FRMD6: variants seen among roughly 807,000 people sequenced by gnomAD.
FRMD6 encodes the protein FERM domain containing 6.
Under a neutral mutation model 73.2 loss-of-function variants are expected in FRMD6, and 37 were observed. The observed-to-expected ratio is 0.51, with a 90% CI of 0.39 to 0.66. FRMD6 has a LOEUF of 0.66. FRMD6 is among the 30% of genes least tolerant of loss of function. The probability of loss-of-function intolerance (pLI) is 0.00; values close to 1 mark genes in which losing one functional copy is unlikely to be tolerated. For synonymous variants in FRMD6, 273 were observed against 282.2 expected (o/e 0.97, Z 0.33); for missense variants, 714 against 780.5 (o/e 0.91, Z 1.02).
At chr14:51,533,374 A>G (rs1238581055) in intron 1 of FRMD6, among the ~76,000 whole-genome samples, 1 of 152,202 alleles carries the variant, frequency 6.6e-6, no homozygotes, top group African/African-American at 2.4e-5. Flanking sequence ...AAAAAGCTGG[A>G]TAAAACAGGT....
At chr14:51,441,588 C>T in the FRMD6 span, among the ~76,000 whole-genome samples, 76,118 of 151,992 alleles carry the variant, frequency 0.5, 19,393 homozygotes, top group East Asian at 0.68. Flanking sequence ...TTACTAGGAG[C>T]CTTGGTCCAG....
At chr14:51,535,730 T>C (rs1256313712) in intron 1 of FRMD6, among the ~76,000 whole-genome samples, 5 of 152,198 alleles carry the variant, frequency 3.3e-5, no homozygotes, top group Non-Finnish European at 7.3e-5. Context: ...TTAATTCTCT[T>C]GGAGTGAAAT....
chr14:51,527,889 G>A (rs1285295836), intron 1 of FRMD6, among the ~76,000 whole-genome samples: 1 of 152,114 alleles, frequency 6.6e-6, no homozygotes, highest in African/African-American at 2.4e-5. Context: ...CTTCAGTGAG[G>A]CTCAGTGGGG....
At chr14:51,664,002 T>C (rs1893405048) in intron 1 of FRMD6, among the ~76,000 whole-genome samples, 1 of 152,220 alleles carries the variant, frequency 6.6e-6, no homozygotes, top group Admixed American at 6.5e-5. Flanking sequence ...CCAATGCTAT[T>C]GCATCGGGGA....
At chr14:51,724,724 G>GTTTTTTTTTTTTTTTT in intron 12 of FRMD6, among the ~76,000 whole-genome samples, 1 of 139,492 alleles carries the variant, frequency 7.2e-6, no homozygotes. Flanking sequence ...TACTTAAAGG[G>GTTTTTTTTTTTTTTTT]TTTTTTGTTT....
the FRMD6 span, among the ~76,000 whole-genome samples, chr14:51,464,830 A>G: frequency 5.9e-5 from 9 of 152,320 alleles, no homozygotes; most frequent in Admixed American, 4.6e-4. Flanking sequence ...AGCCAGGTAT[A>G]TATACCTGAA....
chr14:51,470,655 A>C, the FRMD6 span, among the ~76,000 whole-genome samples: 1 of 152,002 alleles, frequency 6.6e-6, no homozygotes, highest in African/African-American at 2.4e-5. Context: ...TTTTACTTAT[A>C]TGCATTTTAA....
intron 7 of FRMD6, among the ~76,000 whole-genome samples, chr14:51,710,461 C>T (rs1207619298): frequency 2.6e-5 from 4 of 152,140 alleles, no homozygotes; most frequent in African/African-American, 9.7e-5. Flanking sequence ...GCAATCTGTA[C>T]ATCCTTGAAA....
chr14:51,431,515 G>C, the FRMD6 span, among the ~76,000 whole-genome samples: 22 of 152,312 alleles, frequency 1.4e-4, no homozygotes, highest in South Asian at 8.3e-4. Context: ...GAATGTTCTT[G>C]AGATGATTAA....
chr14:51,471,993 A>G, the FRMD6 span, among the ~76,000 whole-genome samples: 2 of 152,218 alleles, frequency 1.3e-5, no homozygotes, highest in African/African-American at 4.8e-5. Flanking sequence ...GCAGCATTCA[A>G]GGTGCCATCT....
the FRMD6 span, among the ~76,000 whole-genome samples, chr14:51,464,896 A>G: frequency 2.7e-3 from 414 of 152,314 alleles, 2 homozygotes; most frequent in African/African-American, 9.3e-3. Flanking sequence ...GAGAAATTGC[A>G]TGCAGAAACT....
chr14:51,693,025 G>T lies in FRMD6; in HGVS notation c.99+3090G>T, dbSNP rs148993496. The stretch of plus-strand genomic sequence containing the variant: ...ACTTGCCCAGTACCTGGTACCTAGT[G>T]GGTACTGAATTTGTATTAGCTTCAT... On this transcript the variant is annotated intron_variant, in intron 2 of 13. Coordinates refer to ENST00000344768, the MANE Select transcript of FRMD6 (RefSeq NM_001267046.2). Among the ~76,000 whole-genome samples, 381 of 152,242 alleles carry T rather than the reference G, an allele frequency of 2.5e-3. 1 individual carries two copies. The highest frequency in any genetic ancestry group is 8.9e-3 in the African/African-American group (370 of 41,534).
chr14:51,714,865 A>AT (rs989730317), intron 9 of FRMD6: 152 of 150,382 alleles, frequency 1.0e-3, no homozygotes, highest in African/African-American at 3.0e-3. Context: ...TTCACTGCCT[A>AT]TTTTTTTTTC....
chr14:51,529,803 C>T (rs1885478630), intron 1 of FRMD6, among the ~76,000 whole-genome samples: 1 of 152,164 alleles, frequency 6.6e-6, no homozygotes, highest in Non-Finnish European at 1.5e-5. Flanking sequence ...TTAAAGTGAA[C>T]ATTTCCTGTG....
chr14:51,591,286 AAAAC>A (rs1372239040), intron 2 of FRMD6, among the ~76,000 whole-genome samples: 1 of 150,546 alleles, frequency 6.6e-6, no homozygotes, highest in Non-Finnish European at 1.5e-5. Flanking sequence ...AAAACAAAAC[AAAAC>A]AAACAAAAAA....
At chr14:51,649,005 A>G (rs1483601728), upstream of FRMD6, among the ~76,000 whole-genome samples, 1 of 152,244 alleles carries the variant, frequency 6.6e-6, no homozygotes, top group Non-Finnish European at 1.5e-5. Flanking sequence ...GAAACATAAA[A>G]TATAACTTTG....
chr14:51,480,504 C>T, the FRMD6 span, among the ~76,000 whole-genome samples: 1 of 152,032 alleles, frequency 6.6e-6, no homozygotes, highest in African/African-American at 2.4e-5. Context: ...TGTTTTAAAA[C>T]ATTGGTTTTA....
chr14:51,397,216 A>C, the FRMD6 span: 1 of 152,302 alleles, frequency 6.6e-6, no homozygotes, highest in Non-Finnish European at 1.5e-5. Flanking sequence ...ATATATATAC[A>C]TCAGGAAGGA....
intron 1 of FRMD6, among the ~76,000 whole-genome samples, chr14:51,504,674 T>G (rs1043216420): frequency 1.3e-5 from 2 of 152,178 alleles, no homozygotes; most frequent in African/African-American, 2.4e-5. Context: ...CTGCTACTGC[T>G]ACCTGGTAAC....
Sources: gnomAD v4.1 joint callset for allele counts (sites outside exome capture counted in the v4.1 genomes callset) on GRCh38, gnomAD v4.1.1 for gene constraint, MANE v1.5 for transcripts, NCBI Gene and HGNC (gene_info 2026-07-23, HGNC 2026-07-21) for gene names.